The following CFAP92 variants were observed in gnomAD, a reference collection of about 807,000 sequenced individuals.
CFAP92 encodes the protein cilia and flagella associated protein 92 (putative).
Under a neutral mutation model 106.3 loss-of-function variants are expected in CFAP92, and 86 were observed. That is an observed-to-expected ratio of 0.81 (90% CI 0.68 to 0.97). CFAP92 has a LOEUF of 0.97. Among genes scored for constraint, CFAP92 ranks in the 50% least tolerant of loss-of-function variants. The probability of loss-of-function intolerance (pLI) is 0.00; values close to 1 mark genes in which losing one functional copy is unlikely to be tolerated. For missense variants in CFAP92, 1,204 were observed against 1,283.8 expected (o/e 0.94, Z 0.95); for synonymous variants, 477 against 506.4 (o/e 0.94, Z 0.78).
the CFAP92 span, among the ~76,000 whole-genome samples, chr3:129,012,342 G>A: frequency 6.6e-6 from 1 of 152,078 alleles, no homozygotes; most frequent in Non-Finnish European, 1.5e-5. Context: ...GCTGGTCCTG[G>A]GGTGTGCCTG....
chr3:128,951,055 G>C (rs1304707215), intron 9 of CFAP92, among the ~76,000 whole-genome samples: 1 of 152,098 alleles, frequency 6.6e-6, no homozygotes, highest in Non-Finnish European at 1.5e-5. Flanking sequence ...GGATCAATTA[G>C]GAGAGAAAGA....
At chr3:128,938,920 A>G (rs1269753724) in intron 10 of CFAP92, among the ~76,000 whole-genome samples, 4 of 152,126 alleles carry the variant, frequency 2.6e-5, no homozygotes, top group Non-Finnish European at 5.9e-5. Context: ...ATCCCAAGCA[A>G]TCTCCCAAAA....
the CFAP92 span, among the ~76,000 whole-genome samples, chr3:129,011,545 C>T: frequency 7.7e-3 from 1,125 of 145,678 alleles, 16 homozygotes; most frequent in African/African-American, 0.027. Context: ...AGCAAGACTC[C>T]GTCTCAAAAA....
intron 1 of CFAP92, chr3:128,993,745 G>C (rs1444711381): frequency 1.0e-5 from 3 of 294,298 alleles, no homozygotes; most frequent in Non-Finnish European, 1.9e-5. Flanking sequence ...AACCAGGCCG[G>C]GGGCAGCACG....
chr3:128,984,576 C>A (rs909591471), intron 4 of CFAP92, among the ~76,000 whole-genome samples: 1 of 152,156 alleles, frequency 6.6e-6, no homozygotes, highest in African/African-American at 2.4e-5. Context: ...CTGTCGGCCT[C>A]CCTATTTTTG....
upstream of CFAP92, among the ~76,000 whole-genome samples, chr3:128,995,613 G>A (rs1944450393): frequency 6.6e-6 from 1 of 152,178 alleles, no homozygotes; most frequent in African/African-American, 2.4e-5. Context: ...CTACCCACTG[G>A]CCTGAGGCTG....
chr3:128,911,276 T>TC (rs1280020179), intron 15 of CFAP92, among the ~76,000 whole-genome samples: 1 of 152,184 alleles, frequency 6.6e-6, no homozygotes, highest in African/African-American at 2.4e-5. Context: ...CAGGCTGGTC[T>TC]CCAACTCCTG....
chr3:128,915,261 G>GT lies in CFAP92; in HGVS notation c.3137dup (p.Asn1046LysfsTer6), dbSNP rs1354903887. 4 of 1,536,032 alleles carry GT rather than the reference G, an allele frequency of 2.6e-6. No individual in the cohort carries two copies. The highest frequency in any genetic ancestry group is 3.5e-6 in the Non-Finnish European group (4 of 1,146,924). On this transcript the variant is annotated frameshift_variant, in exon 15 of 16. Transcript: ENST00000645291. LOFTEE classifies it high-confidence loss of function. ...GCTCCAGTACATTAGCAAACAGGGA[G>GT]TTTTCCTTCCACTCCTAAATTGGGG...
intron 2 of CFAP92, among the ~76,000 whole-genome samples, chr3:128,990,699 C>T (rs1944158573): frequency 1.3e-5 from 2 of 151,702 alleles, no homozygotes; most frequent in African/African-American, 4.9e-5. Context: ...AGTTCAAGAC[C>T]GGCCTGACCA....
chr3:128,932,168 A>T (rs993971175), intron 12 of CFAP92, among the ~76,000 whole-genome samples: 23 of 152,180 alleles, frequency 1.5e-4, no homozygotes, highest in African/African-American at 5.5e-4. Context: ...TCCAAGTCAT[A>T]CCACAGATGT....
chr3:129,015,203 G>C, the CFAP92 span, among the ~76,000 whole-genome samples: 1 of 151,998 alleles, frequency 6.6e-6, no homozygotes, highest in African/African-American at 2.4e-5. Flanking sequence ...GACCCTCCAG[G>C]GCTCCCCTTC....
At position 128,978,162 on chromosome 3, in the gene CFAP92, G is replaced by C. The variant is rs746179135; in HGVS notation, c.691C>G (p.Gln231Glu). Residue 231 changes from glutamine (Q) to glutamate (E), a missense_variant, in exon 5 of 16, where the codon CAG becomes GAG. Physicochemically the swap from Gln to Glu is conservative, Grantham distance 29. Transcript: ENST00000645291. ...ATGCCCTGTTCAGATAATTTTCTCT[G>C]ATTTAAAACCAAATGTCTCACTTCT... ...KSEVRHLVLN[Q>E]RKLSEQGIEN... 6.2e-7 allele frequency: 1 copy of C among 1,613,508 alleles called. No individual in the cohort carries two copies. Among genetic ancestry groups the C allele is most frequent in the Non-Finnish European group, 8.5e-7 (1 of 1,179,636 alleles).
chr3:129,015,689 T>C, the CFAP92 span, among the ~76,000 whole-genome samples: 1 of 152,048 alleles, frequency 6.6e-6, no homozygotes, highest in African/African-American at 2.4e-5. Context: ...CGAATTCAGG[T>C]AGGGACCAGA....
intron 9 of CFAP92, among the ~76,000 whole-genome samples, chr3:128,951,597 G>A (rs1023675595): frequency 1.3e-5 from 2 of 152,136 alleles, no homozygotes; most frequent in South Asian, 2.1e-4. Flanking sequence ...CATATATTCC[G>A]GACTGAGTGC....
At chr3:128,974,903 GAGGTC>G (rs2107787916) in intron 7 of CFAP92, among the ~76,000 whole-genome samples, 1 of 151,558 alleles carries the variant, frequency 6.6e-6, no homozygotes, top group Admixed American at 6.6e-5. Flanking sequence ...GGCAGATCAC[GAGGTC>G]AGGAGATCGA....
chr3:128,965,497 C>T lies in CFAP92; in HGVS notation c.1353+14G>A, dbSNP rs186663852. 1.8e-5 allele frequency: 7 copies of T among 398,890 alleles called. No individual in the cohort carries two copies. The highest frequency in any genetic ancestry group is 1.2e-4 in the African/African-American group (6 of 48,680). The allele number at this position is 398,890 out of a possible 1,614,324, so 24.7% of individuals were successfully genotyped here. A position where few individuals can be genotyped will look rare whatever the true frequency, so the allele number is the denominator to read the frequency against. ...GGAGGAGCTCTAAACTCCATGGGTCCGGCTCATTCTTACCTCTAGTTCCTG... is the reference window on the plus strand; with the variant it reads ...GGAGGAGCTCTAAACTCCATGGGTCTGGCTCATTCTTACCTCTAGTTCCTG... On this transcript the variant is annotated intron_variant, in intron 9 of 15. Transcript: ENST00000645291.
In CFAP92 at chr3:128,975,902, A is replaced by G; in HGVS notation, c.898T>C (p.Trp300Arg). ...ATGGTTGGTGTTCTTGAAACACTCC[A>G]TCTAGAAAATTCACAAAGAGAAAAA... ...LKMDDSSTIQ[W>R]SVSRTPTISL... Residue 300 changes from tryptophan to arginine, a missense_variant and splice_region_variant, in exon 7 of 16, where the codon TGG becomes CGG. Physicochemically the swap from Trp to Arg is moderately radical, Grantham distance 101. Transcript: ENST00000645291. 6.3e-7 allele frequency: 1 copy of G among 1,595,086 alleles called. No individual in the cohort carries two copies. Among genetic ancestry groups the G allele is most frequent in the Non-Finnish European group, 8.5e-7 (1 of 1,174,042 alleles).
intron 2 of CFAP92, chr3:128,991,753 C>A: frequency 9.9e-7 from 1 of 1,013,120 alleles, no homozygotes. Context: ...TCTGTTGGTG[C>A]GCTCTCGGGG....
chr3:128,920,246 T>C (rs1397637932), intron 12 of CFAP92, among the ~76,000 whole-genome samples: 2 of 152,052 alleles, frequency 1.3e-5, no homozygotes, highest in Non-Finnish European at 2.9e-5. Context: ...TCTACTAATA[T>C]ACAAAAATTA....
Sources: allele counts gnomAD v4.1 joint callset (sites outside exome capture counted in the v4.1 genomes callset), GRCh38; gene constraint gnomAD v4.1.1; transcripts MANE v1.5; gene names NCBI Gene and HGNC (gene_info 2026-07-23, HGNC 2026-07-21).